Variants in GSDME observed in about 807,000 individuals in gnomAD.
GSDME encodes gasdermin E, also known as gasdermin-E.
In GSDME, 44 loss-of-function variants were observed where a neutral mutation model predicts 47.5. The observed-to-expected ratio is 0.93, with a 90% CI of 0.73 to 1.19. GSDME has a LOEUF of 1.19. GSDME is among the 50% of genes most tolerant of loss of function. The pLI is 0.00. For synonymous variants in GSDME, 258 were observed against 252.8 expected, an observed-to-expected ratio of 1.02 and a Z score of -0.20; for missense variants, 663 against 604.2, an observed-to-expected ratio of 1.10 and a Z score of -1.02.
the GSDME span, among the ~76,000 whole-genome samples, chr7:24,767,582 T>G: frequency 6.6e-6 from 1 of 151,918 alleles, no homozygotes; most frequent in African/African-American, 2.4e-5. This position sits in a 1 kb window ranked among gnomAD's most constrained non-coding sequence, Gnocchi z 5.3. Flanking sequence ...TAGCATGGCT[T>G]TGGCTGGATT....
chr7:24,701,871 G>C (rs1049199087), intron 9 of GSDME, among the ~76,000 whole-genome samples: 3 of 152,136 alleles, frequency 2.0e-5, no homozygotes, highest in African/African-American at 7.2e-5. Context: ...TAATGTCTTT[G>C]CTATGCACAA....
At chr7:24,784,732 G>T in the GSDME span, among the ~76,000 whole-genome samples, 3 of 138,996 alleles carry the variant, frequency 2.2e-5, no homozygotes, top group East Asian at 4.5e-4. Flanking sequence ...GCTAATTTTT[G>T]TATTTTTAGT....
chr7:24,782,431 G>A, the GSDME span, among the ~76,000 whole-genome samples: 14,650 of 152,158 alleles, frequency 0.096, 855 homozygotes, highest in Non-Finnish European at 0.12. Context: ...ATTCCATGGT[G>A]TATATATGCC....
At position 24,699,233 on chromosome 7, in the gene GSDME, T is replaced by A; in HGVS notation, c.1284A>T (p.Val428=). 6.2e-7 allele frequency: 1 copy of A among 1,613,906 alleles called. No individual in the cohort carries two copies. The highest frequency in any genetic ancestry group is 8.5e-7 in the Non-Finnish European group (1 of 1,179,770). The change falls in exon 10 of 10, where the codon GTA becomes GTT. Residue 428 remains valine, a synonymous_variant. Transcript: ENST00000645220. ...HLLRALSDDG[V]SDLEDPTLTP... Reference sequence around the variant, plus strand: ...TCAAGGTTGGGTCTTCAAGATCAGATACTCCATCATCAGACAGAGCACGAA... The same window carrying A: ...TCAAGGTTGGGTCTTCAAGATCAGAAACTCCATCATCAGACAGAGCACGAA...
In GSDME at chr7:24,716,073, A is replaced by C. The variant is rs1053429072; in HGVS notation, c.697+1181T>G. ...CTCATGTGGGCTTAGCGAGGGCAGG[A>C]GCTGTCTCACGGGAGACTGCCCCCC... On this transcript the variant is annotated intron_variant, in intron 5 of 9. Transcript: ENST00000645220. The surrounding 1 kb of genome is among the most constrained non-coding windows in gnomAD (Gnocchi z 4.5). Among the ~76,000 whole-genome samples the C allele has an allele frequency of 2.0e-5, 3 of 152,228 alleles. No individual in the cohort carries two copies. The highest frequency in any genetic ancestry group is 4.4e-5 in the Non-Finnish European group (3 of 68,042).
chr7:24,775,168 A>C, the GSDME span, among the ~76,000 whole-genome samples: 12 of 152,290 alleles, frequency 7.9e-5, no homozygotes, highest in East Asian at 2.3e-3. Flanking sequence ...CATTTTTCTC[A>C]TGCTGTTACA....
chr7:24,724,086 G>T lies in GSDME; in HGVS notation c.405-4868C>A, dbSNP rs1437367089. Among the ~76,000 whole-genome samples, 2 of 151,984 alleles carry T rather than the reference G, an allele frequency of 1.3e-5. No individual in the cohort carries two copies. The highest frequency in any genetic ancestry group is 3.9e-4 in the East Asian group (2 of 5,190). On this transcript the variant is annotated intron_variant, in intron 3 of 9. Coordinates refer to ENST00000645220, the MANE Select transcript of GSDME (RefSeq NM_001127453.2). The surrounding 1 kb of genome is among the most constrained non-coding windows in gnomAD (Gnocchi z 4.8). ...ACTATTAGTAGTGGTCGCCTCTTGGGTGGGGAACCAGATGGCGGGGAGGGG... is the reference window on the plus strand; with the variant it reads ...ACTATTAGTAGTGGTCGCCTCTTGGTTGGGGAACCAGATGGCGGGGAGGGG...
chr7:24,769,961 A>G, the GSDME span, among the ~76,000 whole-genome samples: 1 of 152,234 alleles, frequency 6.6e-6, no homozygotes, highest in East Asian at 1.9e-4. Context: ...CCTGGCACAG[A>G]GCTCCTAAAA....
intron 3 of GSDME, among the ~76,000 whole-genome samples, chr7:24,729,289 A>G (rs1386389931): frequency 6.6e-6 from 1 of 152,254 alleles, no homozygotes; most frequent in African/African-American, 2.4e-5. Context: ...TGTTTAGTGA[A>G]CTTGGTTTTA....
chr7:24,743,859 C>T (rs368569316), intron 3 of GSDME, among the ~76,000 whole-genome samples: 2 of 152,304 alleles, frequency 1.3e-5, no homozygotes, highest in South Asian at 2.1e-4. Flanking sequence ...TCACTGCTGC[C>T]GATTCCCATC....
At chr7:24,781,067 T>C in the GSDME span, among the ~76,000 whole-genome samples, 2 of 152,200 alleles carry the variant, frequency 1.3e-5, no homozygotes, top group African/African-American at 2.4e-5. Flanking sequence ...GAAATTGTTA[T>C]GTACCATGAA....
At chr7:24,774,245 CTCCCTCCCTCCCTCCCTTCT>C in the GSDME span, among the ~76,000 whole-genome samples, 1 of 37,040 alleles carries the variant, frequency 2.7e-5, no homozygotes, top group Admixed American at 2.3e-4. Context: ...TGTCTTCCCT[CTCCCTCCCTCCCTCCCTTCT>C]TCCCTCCCTC....
the GSDME span, among the ~76,000 whole-genome samples, chr7:24,780,566 C>T: frequency 2.0e-5 from 3 of 152,312 alleles, no homozygotes; most frequent in Admixed American, 6.5e-5. The surrounding 1 kb of genome is among the most constrained non-coding windows in gnomAD (Gnocchi z 4.1). Context: ...GCTTCGTGGC[C>T]TTGCTCTGCC....
rs1345439293 is a variant in GSDME, at chr7:24,732,399, T to C, written c.404+12163A>G. Among the ~76,000 whole-genome samples the C allele has an allele frequency of 2.0e-5, 3 of 152,198 alleles. No homozygotes were observed. On this transcript the variant is annotated intron_variant, in intron 3 of 9. Coordinates refer to ENST00000645220, the MANE Select transcript of GSDME (RefSeq NM_001127453.2). This position sits in a 1 kb window ranked among gnomAD's most constrained non-coding sequence, Gnocchi z 4.8. ...AAGATGGGTGAATGGAAGCCTCCCGTGATTGTTCTCCCCACAGGAACACCA... is the reference window on the plus strand; with the variant it reads ...AAGATGGGTGAATGGAAGCCTCCCGCGATTGTTCTCCCCACAGGAACACCA...
rs921007356 is a variant in GSDME at position 24,716,041 on chromosome 7, G to A, written c.697+1213C>T. On this transcript the variant is annotated intron_variant, in intron 5 of 9. Transcript: ENST00000645220. The surrounding 1 kb of genome is among the most constrained non-coding windows in gnomAD (Gnocchi z 4.5). The stretch of plus-strand genomic sequence containing the variant: ...GTCCCTCTAGTGGCTGCTGAATGGC[G>A]TAGTGACTCATGTGGGCTTAGCGAG... Among the ~76,000 whole-genome samples, 1 of 152,166 alleles carries A rather than the reference G, an allele frequency of 6.6e-6. No homozygotes were observed. The highest frequency in any genetic ancestry group is 1.5e-5 in the Non-Finnish European group (1 of 68,022).
At chr7:24,743,775 G>C (rs537250276) in intron 3 of GSDME, among the ~76,000 whole-genome samples, 1 of 152,340 alleles carries the variant, frequency 6.6e-6, no homozygotes, top group East Asian at 1.9e-4. Flanking sequence ...CCTAATGCCA[G>C]CTTCTCCATA....
chr7:24,748,969 C>T (rs1790767224), intron 2 of GSDME, among the ~76,000 whole-genome samples: 1 of 152,190 alleles, frequency 6.6e-6, no homozygotes, highest in South Asian at 2.1e-4. Flanking sequence ...CAACACCAAA[C>T]CACATTTGGG....
rs1459303712 is a variant in GSDME at position 24,724,323 on chromosome 7, G to A, written c.405-5105C>T. ...ATGAATGGTTTATCACATAAACCCG[G>A]GCAGGACTGGAATGAGACCCTCTCC... On this transcript the variant is annotated intron_variant, in intron 3 of 9. Transcript: ENST00000645220. This position sits in a 1 kb window ranked among gnomAD's most constrained non-coding sequence, Gnocchi z 4.8. 6.6e-6 allele frequency among the ~76,000 whole-genome samples: 1 copy of A among 152,002 alleles called. No individual in the cohort carries two copies. Among genetic ancestry groups the A allele is most frequent in the Non-Finnish European group, 1.5e-5 (1 of 68,004 alleles).
the GSDME span, among the ~76,000 whole-genome samples, chr7:24,771,182 T>C: frequency 1.3e-5 from 2 of 151,902 alleles, no homozygotes; most frequent in Non-Finnish European, 2.9e-5. This position sits in a 1 kb window ranked among gnomAD's most constrained non-coding sequence, Gnocchi z 4.1. Context: ...CTGTAAATGC[T>C]AAAAGGAACA....
Sources: gnomAD v4.1 joint callset for allele counts (sites outside exome capture counted in the v4.1 genomes callset) on GRCh38, gnomAD v4.1.1 for gene constraint, Gnocchi (gnomAD v3.1) non-coding constraint, MANE v1.5 for transcripts, NCBI Gene and HGNC (gene_info 2026-07-23, HGNC 2026-07-21) for gene names.